The following NTRK3 variants were observed in gnomAD, a reference collection of about 807,000 sequenced individuals.
NTRK3 encodes the protein NT-3 growth factor receptor.
A neutral mutation model predicts 91.7 loss-of-function variants in NTRK3; 24 were observed. The observed-to-expected ratio is 0.26, with a 90% CI of 0.19 to 0.37. NTRK3 has a LOEUF of 0.37. Among genes scored for constraint, NTRK3 ranks in the 10% least tolerant of loss-of-function variants. The probability of loss-of-function intolerance (pLI) is 1.00; values close to 1 mark genes in which losing one functional copy is unlikely to be tolerated. For synonymous variants in NTRK3, 483 were observed against 404.0 expected, an observed-to-expected ratio of 1.20 and a Z score of -2.34; for missense variants, 880 against 1,068.9, an observed-to-expected ratio of 0.82 and a Z score of 2.46.
intron 14 of NTRK3, among the ~76,000 whole-genome samples, chr15:87,953,465 T>C (rs2071350513): frequency 6.6e-6 from 1 of 152,170 alleles, no homozygotes; most frequent in Non-Finnish European, 1.5e-5. Context: ...ATGTTATTTG[T>C]TCTTACTAGT....
exon 19 of NTRK3, chr15:87,869,222 G>A (rs537055131): frequency 3.5e-5 from 8 of 229,702 alleles, no homozygotes; most frequent in East Asian, 6.2e-5. Flanking sequence ...TCTCAGCCAC[G>A]GCTCCTCTGC....
At chr15:87,957,228 G>A (rs1474003347) in intron 14 of NTRK3, among the ~76,000 whole-genome samples, 2 of 148,784 alleles carry the variant, frequency 1.3e-5, no homozygotes, top group Non-Finnish European at 3.0e-5. Context: ...AAATGTGTTA[G>A]CATGTGTAAA....
chr15:87,908,563 C>T (rs894959741), intron 17 of NTRK3: 7 of 399,118 alleles, frequency 1.8e-5, no homozygotes, highest in Middle Eastern at 6.2e-4. Flanking sequence ...CATGGCCCTT[C>T]CTGACAGTGA....
intron 13 of NTRK3, among the ~76,000 whole-genome samples, chr15:88,080,760 T>C (rs892589285): frequency 3.9e-5 from 6 of 152,358 alleles, no homozygotes; most frequent in Admixed American, 1.3e-4. Flanking sequence ...GGTTAGTCCC[T>C]GGCCTGGTTT....
chr15:88,072,426 A>G (rs546250399), intron 13 of NTRK3: 4 of 224,294 alleles, frequency 1.8e-5, no homozygotes, highest in South Asian at 1.8e-4. Context: ...CAAGACACTG[A>G]AAGGCAACTA....
In NTRK3 at chr15:87,912,927, AAAAAATATAT is replaced by A. The variant is rs1344321871; in HGVS notation, c.2133+16254_2133+16263del. On this transcript the variant is annotated intron_variant, in intron 17 of 18. Coordinates refer to ENST00000394480, the Ensembl canonical transcript of NTRK3. Reference sequence around the variant, plus strand: ...GCTGTTCAACTTTTCAAAAAGTAAAAAAAAATATATATATATATATATATATATATATATA... The same window carrying A: ...GCTGTTCAACTTTTCAAAAAGTAAAAATATATATATATATATATATATATA... Among the ~76,000 whole-genome samples the A allele has an allele frequency of 2.2e-3, 212 of 96,274 alleles. 9 individuals are homozygous for A. Among genetic ancestry groups the A allele is most frequent in the East Asian group, 0.015 (44 of 3,014 alleles). The allele number at this position is 96,274 out of a possible 152,430, so 63.2% of individuals were successfully genotyped here.
intron 13 of NTRK3, among the ~76,000 whole-genome samples, chr15:88,056,104 C>A (rs2045651225): frequency 4.6e-5 from 7 of 150,940 alleles, no homozygotes; most frequent in Admixed American, 4.6e-4. Context: ...CTGGTTAAGC[C>A]TCCTGGAGCT....
intron 17 of NTRK3, among the ~76,000 whole-genome samples, chr15:87,904,919 A>G (rs1567090649): frequency 6.6e-6 from 1 of 152,216 alleles, no homozygotes; most frequent in Non-Finnish European, 1.5e-5. Flanking sequence ...GAGAACTCAG[A>G]TAAGTGAAAG....
chr15:88,085,626 G>A (rs936896820), intron 13 of NTRK3, among the ~76,000 whole-genome samples: 4 of 151,404 alleles, frequency 2.6e-5, no homozygotes, highest in South Asian at 2.1e-4. Context: ...AAGACTGAGT[G>A]GGGGGTGGTT....
chr15:88,216,308 G>T (rs1306735900), intron 3 of NTRK3, among the ~76,000 whole-genome samples: 1 of 152,180 alleles, frequency 6.6e-6, no homozygotes, highest in Non-Finnish European at 1.5e-5. Flanking sequence ...GGAATATCTT[G>T]CCCCGGAGGC....
chr15:88,210,822 CG>C (rs1567653981), intron 3 of NTRK3, among the ~76,000 whole-genome samples: 1 of 152,116 alleles, frequency 6.6e-6, no homozygotes, highest in East Asian at 1.9e-4. Flanking sequence ...CATCAGAGAG[CG>C]GGCTCCTGGG....
chr15:87,993,588 A>C (rs974986417), intron 14 of NTRK3, among the ~76,000 whole-genome samples: 10 of 152,192 alleles, frequency 6.6e-5, no homozygotes, highest in Non-Finnish European at 1.3e-4. Flanking sequence ...CAAAATACTC[A>C]GTTTAGGCAG....
exon 19 of NTRK3, chr15:87,876,874 G>C (rs2141433571): frequency 6.4e-7 from 1 of 1,569,816 alleles, no homozygotes; most frequent in Non-Finnish European, 8.8e-7. Flanking sequence ...GAGGTGGAAG[G>C]GAGATGTGAG....
exon 19 of NTRK3, chr15:87,876,877 G>C (rs2064969292): frequency 6.3e-7 from 1 of 1,577,214 alleles, no homozygotes; most frequent in Admixed American, 1.7e-5. Context: ...GTGGAAGGGA[G>C]ATGTGAGGCA....
chr15:88,200,421 T>G (rs537401378), intron 3 of NTRK3, among the ~76,000 whole-genome samples: 2 of 152,312 alleles, frequency 1.3e-5, no homozygotes, highest in South Asian at 4.1e-4. Flanking sequence ...CTGATATGGT[T>G]TGGCTGTGCC....
intron 17 of NTRK3, 136 bp from the exon 18 acceptor site, chr15:87,885,871 C>A: frequency 2.5e-6 from 1 of 393,780 alleles, no homozygotes; most frequent in Non-Finnish European, 4.5e-6. Flanking sequence ...AGAGATACAA[C>A]TTACAAAAAT....
intron 5 of NTRK3, 134 bp from the exon 6 acceptor site, chr15:88,147,537 T>TTCTTCTTCG (rs2043000974): frequency 2.0e-6 from 1 of 490,582 alleles, no homozygotes; most frequent in Non-Finnish European, 3.5e-6. Context: ...CTTCTTCTTC[T>TTCTTCTTCG]TCTTCTTCTT....
At chr15:87,991,802 T>G (rs1290855439) in intron 14 of NTRK3, among the ~76,000 whole-genome samples, 1 of 152,196 alleles carries the variant, frequency 6.6e-6, no homozygotes, top group East Asian at 1.9e-4. Context: ...TAGCAAAGCA[T>G]GGCAGAAAAG....
At chr15:88,024,692 G>A (rs1871653757) in intron 14 of NTRK3, among the ~76,000 whole-genome samples, 1 of 152,188 alleles carries the variant, frequency 6.6e-6, no homozygotes, top group Non-Finnish European at 1.5e-5. Flanking sequence ...AATGGATTCA[G>A]CATGGAAACC....
Sources: gnomAD v4.1 joint callset for allele counts (sites outside exome capture counted in the v4.1 genomes callset) on GRCh38, gnomAD v4.1.1 for gene constraint, MANE v1.5 for transcripts, NCBI Gene and HGNC (gene_info 2026-07-23, HGNC 2026-07-21) for gene names.